Variants in IQANK1 observed in about 807,000 individuals in gnomAD.
IQANK1 encodes the protein IQ motif and ankyrin repeat domain-containing protein 1.
In IQANK1, 30 loss-of-function variants were observed where a neutral mutation model predicts 22.6. The observed-to-expected ratio is 1.33, with a 90% confidence interval of 0.99 to 1.80. IQANK1 has a LOEUF of 1.80. Among genes scored for constraint, IQANK1 ranks in the 40% most tolerant of loss-of-function variants. The pLI, the probability that IQANK1 is intolerant of heterozygous loss-of-function variation, is 0.00. For synonymous variants in IQANK1, 122 were observed against 99.6 expected (o/e 1.23, Z -1.34); for missense variants, 275 against 235.2 (o/e 1.17, Z -1.11).
intron 7 of IQANK1, among the ~76,000 whole-genome samples, chr8:143,773,467 CT>C (rs1554630031): frequency 6.6e-6 from 1 of 152,126 alleles, no homozygotes; most frequent in Non-Finnish European, 1.5e-5. Context: ...CCTCGCCTAC[CT>C]TAGTTTCATT....
chr8:143,788,090 C>T (rs528212714), intron 7 of IQANK1, among the ~76,000 whole-genome samples: 3 of 152,346 alleles, frequency 2.0e-5, no homozygotes, highest in South Asian at 2.1e-4. Context: ...TGCCTCCTTC[C>T]GCTGTCATCC....
chr8:143,769,385 C>T (rs1819532574), intron 3 of IQANK1, among the ~76,000 whole-genome samples: 1 of 151,934 alleles, frequency 6.6e-6, no homozygotes, highest in African/African-American at 2.4e-5. Flanking sequence ...TAAAGAGAGA[C>T]AGGGTCTCAC....
chr8:143,763,872 G>T (rs967699350), intron 3 of IQANK1, among the ~76,000 whole-genome samples: 1 of 152,128 alleles, frequency 6.6e-6, no homozygotes, highest in Non-Finnish European at 1.5e-5. Context: ...AAGCCCTAGG[G>T]GCAGGCAGAG....
At chr8:143,775,787 TACACACACACACACACACACACAC>T (rs35665050) in intron 7 of IQANK1, among the ~76,000 whole-genome samples, 3 of 129,432 alleles carry the variant, frequency 2.3e-5, no homozygotes, top group African/African-American at 5.9e-5. Flanking sequence ...ATAGCTGTAT[TACACACACACACACACACACACAC>T]ACACACACAC....
chr8:143,743,040 G>A (rs782217247), intron 3 of IQANK1: 2 of 456,046 alleles, frequency 4.4e-6, no homozygotes, highest in Admixed American at 2.3e-5. Flanking sequence ...GAGATGGGGG[G>A]GCCCTGTGCC....
chr8:143,758,000 G>GTTCATGCTT (rs1819324669), intron 3 of IQANK1, among the ~76,000 whole-genome samples: 1 of 152,158 alleles, frequency 6.6e-6, no homozygotes, highest in East Asian at 1.9e-4. Flanking sequence ...TAGTGTATCA[G>GTTCATGCTT]TTCATGCTTT....
Position 143,772,455 on chromosome 8 carries a change from C to T in IQANK1, c.762C>T (p.Tyr254=), listed in dbSNP as rs1001353872. The T allele has an allele frequency of 3.3e-5, 13 of 399,112 alleles. No homozygotes were observed. Among genetic ancestry groups the T allele is most frequent in the Admixed American group, 1.3e-4 (3 of 22,714 alleles). The allele number at this position is 399,112 out of a possible 1,614,324, so 24.7% of individuals were successfully genotyped here. The part of the protein sequence containing the change: ...LLKLGADPRV[Y]AEDGSTPERV... Reference sequence around the variant, plus strand: ...AGCTCGGAGCAGACCCCCGGGTGTACGCAGAGGACGGGAGCACCCCTGAGC... The same window carrying T: ...AGCTCGGAGCAGACCCCCGGGTGTATGCAGAGGACGGGAGCACCCCTGAGC... The change falls in exon 7 of 14, where the codon TAC becomes TAT. Residue 254 remains tyrosine, a synonymous_variant. Transcript: ENST00000527139.
chr8:143,786,005 G>A (rs555372571), intron 7 of IQANK1, among the ~76,000 whole-genome samples: 23 of 152,244 alleles, frequency 1.5e-4, no homozygotes, highest in African/African-American at 4.6e-4. Context: ...GATCACAGGC[G>A]TCAGCCACCG....
chr8:143,747,297 T>C (rs907749094), intron 3 of IQANK1, among the ~76,000 whole-genome samples: 13 of 152,238 alleles, frequency 8.5e-5, no homozygotes, highest in Non-Finnish European at 1.6e-4. Context: ...GTCAATTTTG[T>C]TGATCCTTCC....
At chr8:143,767,014 C>A (rs1415369806) in intron 3 of IQANK1, among the ~76,000 whole-genome samples, 10 of 152,258 alleles carry the variant, frequency 6.6e-5, no homozygotes, top group African/African-American at 2.4e-4. Context: ...TCTGAACCCA[C>A]GGCCACTGGT....
intron 3 of IQANK1, among the ~76,000 whole-genome samples, chr8:143,768,965 C>T (rs1819526248): frequency 6.6e-6 from 1 of 151,944 alleles, no homozygotes; most frequent in African/African-American, 2.4e-5. Context: ...TGATTCTGAC[C>T]CAAATAGGGC....
At chr8:143,766,468 C>G (rs185781487) in intron 3 of IQANK1, among the ~76,000 whole-genome samples, 3 of 151,928 alleles carry the variant, frequency 2.0e-5, no homozygotes, top group African/African-American at 4.8e-5. Flanking sequence ...GTCAGGAGTT[C>G]AAGACCAGCC....
intron 7 of IQANK1, among the ~76,000 whole-genome samples, chr8:143,772,758 C>T (rs555568217): frequency 1.3e-5 from 2 of 152,356 alleles, no homozygotes; most frequent in South Asian, 4.1e-4. Context: ...GGCAGCGACT[C>T]CCATTTTGTG....
intron 3 of IQANK1, chr8:143,742,704 G>A (rs1818948072): frequency 6.6e-6 from 3 of 455,842 alleles, no homozygotes; most frequent in Non-Finnish European, 1.3e-5. Flanking sequence ...AAGCTCCAAA[G>A]GGGGGCCTGC....
intron 3 of IQANK1, among the ~76,000 whole-genome samples, chr8:143,762,691 A>G (rs1461185479): frequency 2.0e-5 from 3 of 152,226 alleles, no homozygotes; most frequent in African/African-American, 7.2e-5. Context: ...CAGTCACTGC[A>G]TAACAGGTGG....
intron 3 of IQANK1, among the ~76,000 whole-genome samples, chr8:143,756,744 T>C (rs1336239781): frequency 6.6e-6 from 1 of 151,342 alleles, no homozygotes; most frequent in Non-Finnish European, 1.5e-5. Context: ...GGCAGGAGGA[T>C]TGCTTGAGCC....
At chr8:143,749,225 A>AATATATCATATATATCAT (rs1554627720) in intron 3 of IQANK1, among the ~76,000 whole-genome samples, 1 of 111,492 alleles carries the variant, frequency 9.0e-6, no homozygotes, top group African/African-American at 4.6e-5. Flanking sequence ...ATCATATATA[A>AATATATCATATATATCAT]ATATATACCT....
intron 3 of IQANK1, among the ~76,000 whole-genome samples, chr8:143,740,880 C>T (rs1451900241): frequency 6.6e-6 from 1 of 152,220 alleles, no homozygotes; most frequent in Non-Finnish European, 1.5e-5. Flanking sequence ...TGCGGGAGCA[C>T]CTCCGCGGAA....
chr8:143,740,498 G>A (rs1041692601), intron 3 of IQANK1, among the ~76,000 whole-genome samples: 6 of 152,228 alleles, frequency 3.9e-5, no homozygotes, highest in African/African-American at 1.4e-4. Flanking sequence ...CCACGCACCC[G>A]CTGCCTCCCT....
Sources: gnomAD v4.1 joint callset for allele counts (sites outside exome capture counted in the v4.1 genomes callset) on GRCh38, gnomAD v4.1.1 for gene constraint, MANE v1.5 for transcripts, NCBI Gene and HGNC (gene_info 2026-07-23, HGNC 2026-07-21) for gene names.